KHDRBS2: variants seen among roughly 807,000 people sequenced by gnomAD.
KHDRBS2 encodes KH RNA binding domain containing, signal transduction associated 2.
Under a neutral mutation model 44.3 loss-of-function variants are expected in KHDRBS2, and 26 were observed. The ratio of observed to expected loss-of-function variants is 0.59; its 90% CI spans 0.43 to 0.81. The LOEUF is 0.81. Ranked by LOEUF, KHDRBS2 falls within the 40% of genes least tolerant of loss-of-function variation. KHDRBS2 has a pLI of 0.00. For missense variants in KHDRBS2, 476 were observed against 433.1 expected (o/e 1.10, Z -0.88); for synonymous variants, 194 against 151.1 (o/e 1.28, Z -2.08).
chr6:62,053,993 T>C (rs1026798159), intron 2 of KHDRBS2, among the ~76,000 whole-genome samples: 16 of 152,050 alleles, frequency 1.1e-4, no homozygotes, highest in African/African-American at 3.9e-4. Context: ...GAAATAAATT[T>C]AGCCACAGAT....
the KHDRBS2 span, among the ~76,000 whole-genome samples, chr6:61,623,390 A>G: frequency 6.6e-6 from 1 of 152,146 alleles, no homozygotes; most frequent in African/African-American, 2.4e-5. Flanking sequence ...TGGGAACATT[A>G]TAACACAGGT....
At chr6:61,785,508 G>GACCC (rs1332671133) in intron 6 of KHDRBS2, among the ~76,000 whole-genome samples, 5 of 151,918 alleles carry the variant, frequency 3.3e-5, no homozygotes, top group African/African-American at 1.2e-4. Flanking sequence ...AGTGCAATTT[G>GACCC]ACCCTTTTTT....
At chr6:61,782,923 T>G (rs1302537413) in intron 6 of KHDRBS2, among the ~76,000 whole-genome samples, 1 of 151,428 alleles carries the variant, frequency 6.6e-6, no homozygotes. Flanking sequence ...AGAAACAGAG[T>G]GGGACACAAG....
chr6:62,228,950 G>C (rs2150157604), intron 1 of KHDRBS2, among the ~76,000 whole-genome samples: 1 of 152,234 alleles, frequency 6.6e-6, no homozygotes, highest in African/African-American at 2.4e-5. Context: ...TAGGGTATCT[G>C]ACAACCCTGT....
At chr6:61,862,470 C>G (rs1391921659) in intron 6 of KHDRBS2, among the ~76,000 whole-genome samples, 3 of 152,074 alleles carry the variant, frequency 2.0e-5, no homozygotes, top group Non-Finnish European at 4.4e-5. Flanking sequence ...ATATATGGCT[C>G]TTCTTACTTT....
chr6:61,572,606 A>G, the KHDRBS2 span, among the ~76,000 whole-genome samples: 1 of 152,210 alleles, frequency 6.6e-6, no homozygotes, highest in East Asian at 1.9e-4. Flanking sequence ...AAAGCATATC[A>G]AAAAGATAAT....
intron 6 of KHDRBS2, among the ~76,000 whole-genome samples, chr6:61,833,304 C>T (rs1792128294): frequency 6.6e-6 from 1 of 152,120 alleles, no homozygotes; most frequent in South Asian, 2.1e-4. Context: ...TTTCACATTA[C>T]CTATATTCTT....
intron 3 of KHDRBS2, among the ~76,000 whole-genome samples, chr6:62,005,908 T>C (rs1455465816): frequency 6.6e-6 from 1 of 151,968 alleles, no homozygotes; most frequent in Non-Finnish European, 1.5e-5. Context: ...TTTAAGCGAT[T>C]ACTAACATTG....
intron 3 of KHDRBS2, among the ~76,000 whole-genome samples, chr6:62,041,652 G>A (rs1786551450): frequency 6.6e-6 from 1 of 152,062 alleles, no homozygotes; most frequent in South Asian, 2.1e-4. Flanking sequence ...AATGTTTTCT[G>A]TATATAAAAC....
intron 6 of KHDRBS2, among the ~76,000 whole-genome samples, chr6:61,761,784 TG>T (rs1779303369): frequency 6.6e-6 from 1 of 152,196 alleles, no homozygotes; most frequent in Admixed American, 6.5e-5. Context: ...ACATTGTATT[TG>T]GGGTGGTGGA....
the KHDRBS2 span, among the ~76,000 whole-genome samples, chr6:61,626,211 T>C: frequency 1.3e-5 from 2 of 152,322 alleles, no homozygotes; most frequent in South Asian, 2.1e-4. Flanking sequence ...TAGCAATATA[T>C]ATTTTATATA....
chr6:61,576,638 T>A, the KHDRBS2 span, among the ~76,000 whole-genome samples: 1 of 152,168 alleles, frequency 6.6e-6, no homozygotes, highest in East Asian at 1.9e-4. Flanking sequence ...AATTTTGAGC[T>A]TTTGAGAAAT....
At chr6:62,100,467 T>A (rs1388608337) in intron 2 of KHDRBS2, among the ~76,000 whole-genome samples, 2 of 152,168 alleles carry the variant, frequency 1.3e-5, no homozygotes, top group Non-Finnish European at 2.9e-5. Context: ...TAAAATGCTA[T>A]CAAACAGCAT....
At chr6:62,059,584 C>T (rs1266883781) in intron 2 of KHDRBS2, among the ~76,000 whole-genome samples, 5 of 151,346 alleles carry the variant, frequency 3.3e-5, no homozygotes, top group Admixed American at 2.0e-4. Flanking sequence ...AGATAGTGTA[C>T]CATTAATAAA....
chr6:62,125,717 T>C (rs1335914750), intron 2 of KHDRBS2, among the ~76,000 whole-genome samples: 2 of 152,082 alleles, frequency 1.3e-5, no homozygotes, highest in African/African-American at 2.4e-5. Context: ...AGCTCTTGGA[T>C]GTCATTTCTA....
At chr6:61,603,541 C>G in the KHDRBS2 span, among the ~76,000 whole-genome samples, 2 of 152,158 alleles carry the variant, frequency 1.3e-5, no homozygotes, top group South Asian at 4.1e-4. Context: ...GCCCTGTAGC[C>G]TTTTTATCCA....
chr6:61,574,666 G>A, the KHDRBS2 span, among the ~76,000 whole-genome samples: 1 of 152,122 alleles, frequency 6.6e-6, no homozygotes, highest in African/African-American at 2.4e-5. Flanking sequence ...AGTGGTTTGA[G>A]AGGCTGAGGC....
rs1803531691 is a variant in KHDRBS2 at position 61,899,482 on chromosome 6, T to C, written c.611+1762A>G. Among the ~76,000 whole-genome samples, 5 of 152,056 alleles carry C rather than the reference T, an allele frequency of 3.3e-5. No individual in the cohort carries two copies. In the South Asian group the frequency reaches 8.3e-4, roughly 25 times the overall value. ...GATCTGTATGTTATATGGGATTAAA[T>C]AGTGAAATCTTTCAATCAAATTTTT... is the stretch of plus-strand genomic sequence containing the variant. On this transcript the variant is annotated intron_variant, in intron 5 of 8. Transcript: ENST00000281156.
intron 6 of KHDRBS2, among the ~76,000 whole-genome samples, chr6:61,853,651 C>T (rs1455969159): frequency 6.6e-6 from 1 of 152,176 alleles, no homozygotes; most frequent in African/African-American, 2.4e-5. Flanking sequence ...TAGATACTGT[C>T]TCTGTATCCA....
Sources: gnomAD v4.1 joint callset for allele counts (sites outside exome capture counted in the v4.1 genomes callset) on GRCh38, gnomAD v4.1.1 for gene constraint, MANE v1.5 for transcripts, NCBI Gene and HGNC (gene_info 2026-07-23, HGNC 2026-07-21) for gene names.